Variants in SLC44A5 observed in about 807,000 individuals in gnomAD.
SLC44A5 encodes the protein choline transporter-like protein 5.
SLC44A5 carries 57 observed loss-of-function variants against 101.8 expected under a neutral mutation model. That is an observed-to-expected ratio of 0.56 (90% CI 0.45 to 0.70). SLC44A5 has a LOEUF of 0.70. Among genes scored for constraint, SLC44A5 ranks in the 30% least tolerant of loss-of-function variants. SLC44A5 has a pLI of 0.00. For missense variants in SLC44A5, 737 were observed against 853.1 expected, an observed-to-expected ratio of 0.86 and a Z score of 1.70; for synonymous variants, 281 against 290.9, an observed-to-expected ratio of 0.97 and a Z score of 0.35.
intron 1 of SLC44A5, among the ~76,000 whole-genome samples, chr1:75,570,226 G>C (rs561132705): frequency 1.3e-5 from 2 of 152,138 alleles, no homozygotes; most frequent in African/African-American, 4.8e-5. Flanking sequence ...GCTGAAAAAC[G>C]GGGAGCAATG....
At chr1:75,540,202 G>A (rs1397234965) in intron 2 of SLC44A5, among the ~76,000 whole-genome samples, 1 of 152,022 alleles carries the variant, frequency 6.6e-6, no homozygotes, top group African/African-American at 2.4e-5. Context: ...CTACTTCTCA[G>A]GCACTGTGCC....
intron 2 of SLC44A5, among the ~76,000 whole-genome samples, chr1:75,498,763 T>C (rs1293327404): frequency 1.3e-5 from 2 of 152,190 alleles, no homozygotes; most frequent in Admixed American, 6.5e-5. Flanking sequence ...GTTGCAAATA[T>C]GGATTATTTT....
chr1:75,696,118 C>T, the SLC44A5 span, among the ~76,000 whole-genome samples: 19 of 152,254 alleles, frequency 1.2e-4, no homozygotes, highest in East Asian at 3.5e-3. Context: ...TTATTTCTTA[C>T]TCAGGATAGA....
intron 5 of SLC44A5, among the ~76,000 whole-genome samples, chr1:75,283,117 C>T (rs1652748729): frequency 6.6e-6 from 1 of 151,788 alleles, no homozygotes; most frequent in African/African-American, 2.4e-5. Flanking sequence ...GTTTACATTC[C>T]CACCAGCAGT....
At chr1:75,433,422 A>C (rs886721783) in intron 2 of SLC44A5, among the ~76,000 whole-genome samples, 9 of 152,078 alleles carry the variant, frequency 5.9e-5, no homozygotes, top group Non-Finnish European at 8.8e-5. Context: ...CCTCATTAGG[A>C]ATACTCTCTC....
At chr1:75,398,386 C>T (rs576610021) in intron 2 of SLC44A5, 15 of 985,300 alleles carry the variant, frequency 1.5e-5, no homozygotes, top group African/African-American at 1.2e-4. Flanking sequence ...GAATCAGTGC[C>T]GGGTATAGCA....
rs539094472 is a variant in SLC44A5 at position 75,562,274 on chromosome 1, G to GA, written c.-69-20759dup. ...CCAGATCCATCAGCACTCCTCTATG[G>GA]AAAATGTTTTTAATTCTTAGACTTC... is the stretch of plus-strand genomic sequence containing the variant. On this transcript the variant is annotated intron_variant, in intron 1 of 23. Coordinates refer to ENST00000370859, the MANE Select transcript of SLC44A5 (RefSeq NM_001130058.2). 5.3e-5 allele frequency among the ~76,000 whole-genome samples: 8 copies of GA among 151,998 alleles called. No homozygotes were observed. In the South Asian group the frequency reaches 1.5e-3, roughly 28 times the overall value.
chr1:75,363,339 A>T (rs537270091), intron 3 of SLC44A5, among the ~76,000 whole-genome samples: 1 of 151,950 alleles, frequency 6.6e-6, no homozygotes, highest in African/African-American at 2.4e-5. Context: ...TGCCATTTTA[A>T]AGTTATTTTT....
intron 2 of SLC44A5, among the ~76,000 whole-genome samples, chr1:75,512,017 A>G (rs141851851): frequency 6.2e-4 from 95 of 152,322 alleles, no homozygotes; most frequent in African/African-American, 2.1e-3. Flanking sequence ...TTAGCTTCTG[A>G]GTCCTGTGCT....
At position 75,218,557 on chromosome 1, in the gene SLC44A5, A is replaced by T; in HGVS notation, c.1462T>A (p.Trp488Arg). The change falls in exon 17 of 24, where the codon TGG (tryptophan) becomes AGG (arginine). Residue 488 changes from tryptophan (W) to arginine (R), a missense_variant. Trp to Arg is a moderately radical substitution (Grantham distance 101). This residue lies in a region of SLC44A5 where 665 missense variants were observed against 764.4 expected (regional missense o/e 0.87). Coordinates refer to ENST00000370859, the MANE Select transcript of SLC44A5 (RefSeq NM_001130058.2). ...ATGTCATCAGGTTTTTTCATGGCCCAGTAATAAGTAGCGAATGCACCAGCA... is the reference window on the plus strand; with the variant it reads ...ATGTCATCAGGTTTTTTCATGGCCCTGTAATAAGTAGCGAATGCACCAGCA... The part of the protein sequence containing the change: ...ALAGAFATYY[W>R]AMKKPDDIPR... 1 of 1,613,850 alleles carries T rather than the reference A, an allele frequency of 6.2e-7. No homozygotes were observed. Among genetic ancestry groups the T allele is most frequent in the Non-Finnish European group, 8.5e-7 (1 of 1,179,782 alleles).
At chr1:75,515,310 T>G (rs1053443824) in intron 2 of SLC44A5, among the ~76,000 whole-genome samples, 5 of 152,192 alleles carry the variant, frequency 3.3e-5, no homozygotes, top group Non-Finnish European at 7.3e-5. Context: ...CTCTTAGCAA[T>G]TTTGAAATAT....
intron 1 of SLC44A5, among the ~76,000 whole-genome samples, chr1:75,542,056 C>A (rs1050200461): frequency 6.6e-6 from 1 of 151,984 alleles, no homozygotes; most frequent in African/African-American, 2.4e-5. Flanking sequence ...TAAAGAAAAG[C>A]CTTTTTCCAA....
chr1:75,318,036 T>C (rs1297489484), intron 4 of SLC44A5, among the ~76,000 whole-genome samples: 1 of 152,152 alleles, frequency 6.6e-6, no homozygotes, highest in African/African-American at 2.4e-5. Context: ...CCCTCTTGCA[T>C]ACAGTAAACC....
At chr1:75,634,053 G>T in the SLC44A5 span, among the ~76,000 whole-genome samples, 2 of 152,068 alleles carry the variant, frequency 1.3e-5, no homozygotes, top group Non-Finnish European at 2.9e-5. Context: ...AACCAGCCTT[G>T]CATCCCAGGG....
At chr1:75,308,481 T>C (rs1482912528) in intron 4 of SLC44A5, among the ~76,000 whole-genome samples, 1 of 152,206 alleles carries the variant, frequency 6.6e-6, no homozygotes, top group Non-Finnish European at 1.5e-5. Context: ...AAAATTGGTT[T>C]TACGATGTAA....
chr1:75,325,542 A>G (rs1362062779), intron 4 of SLC44A5, among the ~76,000 whole-genome samples: 1 of 152,142 alleles, frequency 6.6e-6, no homozygotes, highest in East Asian at 1.9e-4. Context: ...ATTGGCAAGT[A>G]CAGTATAATA....
At chr1:75,322,142 C>A (rs919294212) in intron 4 of SLC44A5, among the ~76,000 whole-genome samples, 1 of 152,036 alleles carries the variant, frequency 6.6e-6, no homozygotes, top group Non-Finnish European at 1.5e-5. Flanking sequence ...AAAACTCCAT[C>A]TCTACAAAAA....
intron 2 of SLC44A5, among the ~76,000 whole-genome samples, chr1:75,521,068 C>T (rs116380219): frequency 5.7e-4 from 86 of 152,124 alleles, no homozygotes; most frequent in African/African-American, 2.1e-3. Context: ...CTCATAAGCT[C>T]AAAATGGGAT....
At chr1:75,694,643 A>G in the SLC44A5 span, among the ~76,000 whole-genome samples, 1 of 152,162 alleles carries the variant, frequency 6.6e-6, no homozygotes, top group African/African-American at 2.4e-5. Flanking sequence ...AATAAATTAG[A>G]TGTTACATAG....
Sources: allele counts gnomAD v4.1 joint callset (sites outside exome capture counted in the v4.1 genomes callset), GRCh38; gene constraint gnomAD v4.1.1; regional missense constraint gnomAD v4.1.1; transcripts MANE v1.5; gene names NCBI Gene and HGNC (gene_info 2026-07-23, HGNC 2026-07-21).